The following PPM1E variants were observed in gnomAD, a reference collection of about 807,000 sequenced individuals.
The protein encoded by PPM1E is protein phosphatase 1E.
PPM1E carries 20 observed loss-of-function variants against 65.9 expected under a neutral mutation model. The ratio of observed to expected loss-of-function variants is 0.30; its 90% CI spans 0.21 to 0.44. The LOEUF is 0.44. Ranked by LOEUF, PPM1E falls within the 20% of genes least tolerant of loss-of-function variation. The probability of loss-of-function intolerance (pLI) is 1.00; values close to 1 mark genes in which losing one functional copy is unlikely to be tolerated. For missense variants in PPM1E, 713 were observed against 953.1 expected (o/e 0.75, Z 3.32); for synonymous variants, 352 against 374.9 (o/e 0.94, Z 0.70).
intron 1 of PPM1E, among the ~76,000 whole-genome samples, chr17:58,770,844 T>G (rs1342012618): frequency 6.6e-6 from 1 of 151,908 alleles, no homozygotes; most frequent in Non-Finnish European, 1.5e-5. Flanking sequence ...AAGCTTTCTA[T>G]TTTACTGTAA....
In PPM1E at chr17:58,837,019, C is replaced by CA. The variant is rs761954197; in HGVS notation, c.464+80578dup. Among the ~76,000 whole-genome samples, 285 of 38,800 alleles carry CA rather than the reference C, an allele frequency of 7.3e-3. 1 individual carries two copies. Among genetic ancestry groups the CA allele is most frequent in the South Asian group, 0.025 (30 of 1,180 alleles). 25.5% of individuals were successfully genotyped at this position (38,800 alleles called of 152,430 possible). ...TGGGCGACAGAGCGAAACTCCGTCT[C>CA]AAAAAAAAAAAAAAAAAAAAGTGCC... On this transcript the variant is annotated intron_variant, in intron 1 of 6. Transcript: ENST00000308249.
rs2031474028 is a variant in PPM1E at position 58,983,158 on chromosome 17, ATT to A, written c.*2130_*2131del. ...CACAGACCCATCTTTAGGGGTCTGG[ATT>A]TTGTAGGTCCGACTACACAGCAGTG... On this transcript the variant is annotated 3_prime_UTR_variant, in exon 7 of 7. Transcript: ENST00000308249. 5 of 454,698 alleles carry A rather than the reference ATT, an allele frequency of 1.1e-5. No individual in the cohort carries two copies. The Middle Eastern group carries it at 1.8e-3, about 160-fold the overall frequency. 28.2% of individuals were successfully genotyped at this position (454,698 alleles called of 1,614,324 possible). A position where few individuals can be genotyped will look rare whatever the true frequency, so the allele number is the denominator to read the frequency against.
chr17:58,891,317 A>G (rs2051341356), intron 1 of PPM1E, among the ~76,000 whole-genome samples: 1 of 151,392 alleles, frequency 6.6e-6, no homozygotes, highest in Admixed American at 6.6e-5. Flanking sequence ...CTGCAAATGG[A>G]TTTATTATTA....
chr17:58,940,503 A>G (rs758172263), intron 1 of PPM1E, among the ~76,000 whole-genome samples: 22 of 152,192 alleles, frequency 1.4e-4, no homozygotes, highest in Non-Finnish European at 3.1e-4. Flanking sequence ...ACAAAAGGTA[A>G]AAAAATTATA....
At chr17:58,816,822 G>A (rs535533666) in intron 1 of PPM1E, among the ~76,000 whole-genome samples, 1 of 125,188 alleles carries the variant, frequency 8.0e-6, no homozygotes, top group Non-Finnish European at 1.6e-5. Flanking sequence ...TTGAGACAGG[G>A]TCTTACTCTG....
At chr17:58,931,083 A>AAAAG (rs71358696) in intron 1 of PPM1E, among the ~76,000 whole-genome samples, 3 of 141,432 alleles carry the variant, frequency 2.1e-5, no homozygotes, top group African/African-American at 7.8e-5. Context: ...AAAAAAAAAA[A>AAAAG]AAAGAAAGAA....
At chr17:58,971,078 G>A (rs757876286) in intron 4 of PPM1E, among the ~76,000 whole-genome samples, 2 of 151,988 alleles carry the variant, frequency 1.3e-5, no homozygotes, top group Non-Finnish European at 1.5e-5. Flanking sequence ...TTGTCTCAGC[G>A]CCCCTTTTCT....
At chr17:58,920,650 A>G (rs1282743774) in intron 1 of PPM1E, among the ~76,000 whole-genome samples, 1 of 152,248 alleles carries the variant, frequency 6.6e-6, no homozygotes, top group East Asian at 1.9e-4. Flanking sequence ...AAGGAGGTTG[A>G]GAATTAGGAT....
chr17:58,915,946 ATCTTTACCTATG>A (rs1451609512), intron 1 of PPM1E, among the ~76,000 whole-genome samples: 2 of 152,140 alleles, frequency 1.3e-5, no homozygotes, highest in Admixed American at 1.3e-4. Flanking sequence ...ATCATACTTC[ATCTTTACCTATG>A]TCTACTATTC....
At chr17:58,832,327 G>A (rs1814970535) in intron 1 of PPM1E, among the ~76,000 whole-genome samples, 1 of 151,944 alleles carries the variant, frequency 6.6e-6, no homozygotes, top group Admixed American at 6.6e-5. Flanking sequence ...GCACAGACTA[G>A]AGTAAATTAT....
chr17:58,917,133 C>G (rs1394711008), intron 1 of PPM1E, among the ~76,000 whole-genome samples: 3 of 151,448 alleles, frequency 2.0e-5, no homozygotes, highest in Admixed American at 6.6e-5. Context: ...TCACTTGAAC[C>G]TGGGAGGCAG....
chr17:58,825,696 A>G (rs1240741017), intron 1 of PPM1E, among the ~76,000 whole-genome samples: 1 of 151,706 alleles, frequency 6.6e-6, no homozygotes, highest in Non-Finnish European at 1.5e-5. Flanking sequence ...CAGCCTCCCA[A>G]GTAGCTGGGA....
intron 1 of PPM1E, among the ~76,000 whole-genome samples, chr17:58,798,752 G>T (rs924715294): frequency 2.0e-5 from 3 of 151,598 alleles, no homozygotes; most frequent in Admixed American, 2.0e-4. Context: ...GGAGTTCAGT[G>T]GCATGATCTT....
Position 58,755,968 on chromosome 17 carries a change from T to C in PPM1E, c.-30T>C, listed in dbSNP as rs1039783352. On this transcript the variant is annotated 5_prime_UTR_variant, in exon 1 of 7. Coordinates refer to ENST00000308249, the MANE Select transcript of PPM1E (RefSeq NM_014906.5). Reference sequence around the variant, plus strand: ...CCTTCCTGGGCTTCCCCCAACCCCTTTCCCGGTCTGCCCTGGGGCATGAGC... The same window carrying C: ...CCTTCCTGGGCTTCCCCCAACCCCTCTCCCGGTCTGCCCTGGGGCATGAGC... The C allele has an allele frequency of 3.7e-6, 6 of 1,613,308 alleles. No individual in the cohort carries two copies. Among genetic ancestry groups the C allele is most frequent in the Middle Eastern group, 1.6e-4 (1 of 6,070 alleles).
Position 58,764,282 on chromosome 17 carries a change from C to A in PPM1E, c.464+7821C>A, listed in dbSNP as rs1288814550. On this transcript the variant is annotated intron_variant, in intron 1 of 6. Coordinates refer to ENST00000308249, the MANE Select transcript of PPM1E (RefSeq NM_014906.5). Reference sequence around the variant, plus strand: ...TTAGATTTGCTATTTTTTAAAAAAACCACAACTACAACAACAAAAACTTTA... The same window carrying A: ...TTAGATTTGCTATTTTTTAAAAAAAACACAACTACAACAACAAAAACTTTA... Among the ~76,000 whole-genome samples the A allele has an allele frequency of 7.9e-5, 12 of 152,012 alleles. No homozygotes were observed. The East Asian group carries it at 1.7e-3, about 22-fold the overall frequency.
intron 1 of PPM1E, among the ~76,000 whole-genome samples, chr17:58,888,424 G>T (rs1355624153): frequency 6.7e-6 from 1 of 148,242 alleles, no homozygotes. Context: ...GAGTGCAGAG[G>T]CTCAATCTTG....
intron 1 of PPM1E, among the ~76,000 whole-genome samples, chr17:58,937,626 C>T (rs1341979742): frequency 4.7e-5 from 7 of 148,472 alleles, no homozygotes; most frequent in Non-Finnish European, 7.4e-5. Flanking sequence ...CCTGTAATCC[C>T]AGCACTTTGG....
chr17:58,843,187 T>TGAACCTGGGAGGCAGA (rs1237641520), intron 1 of PPM1E, among the ~76,000 whole-genome samples: 10 of 149,436 alleles, frequency 6.7e-5, no homozygotes, highest in Non-Finnish European at 1.3e-4. Flanking sequence ...GAGAATGGAG[T>TGAACCTGGGAGGCAGA]GAACCTGGGA....
intron 1 of PPM1E, among the ~76,000 whole-genome samples, chr17:58,836,944 C>T (rs1408430725): frequency 2.1e-5 from 3 of 144,650 alleles, no homozygotes; most frequent in East Asian, 2.1e-4. Context: ...GGCGTGAACC[C>T]GGGAGGCGGA....
Sources: allele counts gnomAD v4.1 joint callset (sites outside exome capture counted in the v4.1 genomes callset), GRCh38; gene constraint gnomAD v4.1.1; transcripts MANE v1.5; gene names NCBI Gene and HGNC (gene_info 2026-07-23, HGNC 2026-07-21).